UBAP2L: variants seen among roughly 807,000 people sequenced by gnomAD.
UBAP2L encodes the protein ubiquitin associated protein 2 like.
A neutral mutation model predicts 130.6 loss-of-function variants in UBAP2L; 12 were observed. The ratio of observed to expected loss-of-function variants is 0.09; its 90% confidence interval spans 0.06 to 0.15. The LOEUF (loss-of-function observed/expected upper bound fraction) is 0.15. UBAP2L is among the 10% of genes least tolerant of loss of function. The pLI is 1.00. For synonymous variants in UBAP2L, 503 were observed against 524.7 expected, an observed-to-expected ratio of 0.96 and a Z score of 0.57; for missense variants, 965 against 1,332.5, an observed-to-expected ratio of 0.72 and a Z score of 4.29.
At chr1:154,245,832 G>A (rs894435029) in intron 10 of UBAP2L, among the ~76,000 whole-genome samples, 5 of 152,084 alleles carry the variant, frequency 3.3e-5, no homozygotes, top group East Asian at 1.9e-4. Context: ...GGAGAATGGC[G>A]TGAACCCAGG....
chr1:154,233,515 G>A (rs1298629663), intron 4 of UBAP2L, among the ~76,000 whole-genome samples: 5 of 146,528 alleles, frequency 3.4e-5, no homozygotes, highest in African/African-American at 1.4e-4. Context: ...AGTAGAGACG[G>A]GGTTTCACCG....
intron 4 of UBAP2L, among the ~76,000 whole-genome samples, chr1:154,234,234 G>T (rs1315174475): frequency 6.6e-6 from 1 of 151,988 alleles, no homozygotes; most frequent in Non-Finnish European, 1.5e-5. Flanking sequence ...ATGGTGTCGC[G>T]TGCCTGTAAT....
In UBAP2L at chr1:154,258,970, C is replaced by T. The variant is rs1409708220; in HGVS notation, c.2443-7C>T. On this transcript the variant is annotated splice_region_variant and splice_polypyrimidine_tract_variant and intron_variant, in intron 20 of 26. Coordinates refer to ENST00000428931, the MANE Select transcript of UBAP2L (RefSeq NM_014847.4). ...TCCTGTTATTGCTATATGTCTGTAT[C>T]TTTCAGCCACAAGTATATGGTTATG... 1.2e-6 allele frequency: 2 copies of T among 1,613,536 alleles called. No homozygotes were observed. The highest frequency in any genetic ancestry group is 2.2e-5 in the East Asian group (1 of 44,858).
chr1:154,224,098 A>C (rs182580164), intron 1 of UBAP2L, among the ~76,000 whole-genome samples: 1 of 152,322 alleles, frequency 6.6e-6, no homozygotes, highest in Admixed American at 6.5e-5. Flanking sequence ...ATTCAGTAGA[A>C]TCCTTCCTTG....
intron 4 of UBAP2L, 71 bp downstream of exon 4, chr1:154,228,796 A>C: frequency 8.6e-7 from 1 of 1,164,538 alleles, no homozygotes; most frequent in Non-Finnish European, 1.2e-6. Context: ...TAAAAGTAGC[A>C]AATGGCAACA....
At chr1:154,231,632 T>G (rs1223675737) in intron 4 of UBAP2L, among the ~76,000 whole-genome samples, 17 of 152,192 alleles carry the variant, frequency 1.1e-4, no homozygotes, top group Non-Finnish European at 7.3e-5. Context: ...TTGCCTGTTT[T>G]AGAGATCTCA....
At chr1:154,225,596 A>T (rs760311664) in intron 2 of UBAP2L, among the ~76,000 whole-genome samples, 1 of 152,040 alleles carries the variant, frequency 6.6e-6, no homozygotes, top group Admixed American at 6.6e-5. Context: ...CAGCCTCCTG[A>T]GTAGCTGGGA....
Position 154,261,475 on chromosome 1 carries a change from A to G in UBAP2L, c.2797-117A>G, listed in dbSNP as rs183490500. The G allele has an allele frequency of 7.3e-5, 69 of 948,258 alleles. No homozygotes were observed. The Admixed American group carries it at 1.3e-3, about 18-fold the overall frequency. The allele number at this position is 948,258 out of a possible 1,614,324, so 58.7% of individuals were successfully genotyped here. A position where few individuals can be genotyped will look rare whatever the true frequency, so the allele number is the denominator to read the frequency against. On this transcript the variant is annotated intron_variant, in intron 23 of 26. Transcript: ENST00000428931. ...GAGCTAATTTCACTAAGCAAACTGT[A>G]GTCAACTTGCATCAGGATAGGTAGC...
intron 12 of UBAP2L, among the ~76,000 whole-genome samples, chr1:154,250,593 C>T (rs1444388418): frequency 6.6e-6 from 1 of 152,086 alleles, no homozygotes; most frequent in African/African-American, 2.4e-5. Context: ...GCAGCTCATG[C>T]CTGTAATCCT....
At chr1:154,225,970 T>C (rs1244398351) in intron 2 of UBAP2L, among the ~76,000 whole-genome samples, 7 of 152,174 alleles carry the variant, frequency 4.6e-5, no homozygotes, top group Non-Finnish European at 1.0e-4. Context: ...TGTGCTACCA[T>C]GCCCAGCTAA....
chr1:154,259,979 C>T lies in UBAP2L; in HGVS notation c.2528C>T (p.Thr843Ile). Reference sequence around the variant, plus strand: ...TACAGCATCCCATTTCCCACACCCACTACTCCGCTGACTGGGAGGGATGGT... The same window carrying T: ...TACAGCATCCCATTTCCCACACCCATTACTCCGCTGACTGGGAGGGATGGT... ...DYYSIPFPTP[T>I]TPLTGRDGSL... The change falls in exon 22 of 27, where the codon ACT (threonine) becomes ATT (isoleucine). Residue 843 changes from threonine (T) to isoleucine (I), a missense_variant. By Grantham distance (89) the Thr-to-Ile change is moderately conservative. Coordinates refer to ENST00000428931, the MANE Select transcript of UBAP2L (RefSeq NM_014847.4). 1 of 1,614,200 alleles carries T rather than the reference C, an allele frequency of 6.2e-7. No individual in the cohort carries two copies. Among genetic ancestry groups the T allele is most frequent in the Non-Finnish European group, 8.5e-7 (1 of 1,180,032 alleles).
intron 8 of UBAP2L, among the ~76,000 whole-genome samples, chr1:154,239,230 TTTTTC>T (rs748503203): frequency 4.7e-4 from 72 of 152,130 alleles, no homozygotes; most frequent in Non-Finnish European, 7.4e-4. Flanking sequence ...CACTGGTTGT[TTTTTC>T]TTTTCTTTTC....
chr1:154,256,974 T>C, intron 18 of UBAP2L, 89 bp from the exon 19 acceptor site: 1 of 1,438,754 alleles, frequency 7.0e-7, no homozygotes, highest in Admixed American at 2.1e-5. Context: ...CATCATAATA[T>C]ATTCAGCAGG....
intron 12 of UBAP2L, among the ~76,000 whole-genome samples, chr1:154,250,045 A>G (rs1676990464): frequency 6.6e-6 from 1 of 152,102 alleles, no homozygotes; most frequent in African/African-American, 2.4e-5. Context: ...GTCTTCACTT[A>G]ATGTCATTGA....
Position 154,243,213 on chromosome 1 carries a change from C to G in UBAP2L, c.757-4C>G, listed in dbSNP as rs373619162. The stretch of plus-strand genomic sequence containing the variant: ...CAAGAGTGACTAATCCCTCTGTTTT[C>G]CAGCTTTCTGAGACCAAGATCTTCA... On this transcript the variant is annotated splice_region_variant and splice_polypyrimidine_tract_variant and intron_variant, in intron 9 of 26. Coordinates refer to ENST00000428931, the MANE Select transcript of UBAP2L (RefSeq NM_014847.4). The G allele has an allele frequency of 6.2e-7, 1 of 1,610,218 alleles. No individual in the cohort carries two copies. Among genetic ancestry groups the G allele is most frequent in the Non-Finnish European group, 8.5e-7 (1 of 1,177,332 alleles).
chr1:154,259,003 G>T lies in UBAP2L; in HGVS notation c.2469G>T (p.Leu823Phe). ...YPPQVYGYDDLQMLQTRFPLD... is the reference protein window; with the variant it reads ...YPPQVYGYDDFQMLQTRFPLD... ...CACAAGTATATGGTTATGATGACTT[G>T]CAGATGCTTCAGACAAGATTTCCAT... is the stretch of plus-strand genomic sequence containing the variant. Residue 823 changes from leucine to phenylalanine, a missense_variant, in exon 21 of 27, where the codon TTG (leucine) becomes TTT (phenylalanine). By Grantham distance (22) the Leu-to-Phe change is conservative (BLOSUM62 0). Around this residue, in one of 9 missense-constraint regions of UBAP2L, gnomAD observed 393 missense variants for 408.1 expected, o/e 0.96. Transcript: ENST00000428931. The T allele has an allele frequency of 6.2e-7, 1 of 1,614,040 alleles. No individual in the cohort carries two copies. The highest frequency in any genetic ancestry group is 1.3e-5 in the African/African-American group (1 of 75,052).
intron 24 of UBAP2L, among the ~76,000 whole-genome samples, chr1:154,264,612 A>G (rs996376547): frequency 5.3e-5 from 8 of 152,242 alleles, no homozygotes; most frequent in Non-Finnish European, 7.3e-5. Context: ...AACTCTGGAA[A>G]GAATGAGATC....
intron 9 of UBAP2L, 190 bp from the exon 10 acceptor site, chr1:154,243,025 CTT>C: frequency 4.5e-6 from 2 of 442,314 alleles, no homozygotes; most frequent in Non-Finnish European, 8.3e-6. Flanking sequence ...TGCTTCTACT[CTT>C]TCTTTGGCTA....
Position 154,237,013 on chromosome 1 carries a change from A to AT in UBAP2L, c.591-5dup. The AT allele has an allele frequency of 1.9e-6, 3 of 1,610,642 alleles. No individual in the cohort carries two copies. Among genetic ancestry groups the AT allele is most frequent in the Non-Finnish European group, 2.5e-6 (3 of 1,177,474 alleles). Reference sequence around the variant, plus strand: ...TAGAGGTCAGAGACTCTTAAGTTTTATTTTTTCCAGAACCTTTAACCCAGC... The same window carrying AT: ...TAGAGGTCAGAGACTCTTAAGTTTTATTTTTTTCCAGAACCTTTAACCCAGC... On this transcript the variant is annotated splice_polypyrimidine_tract_variant and intron_variant, in intron 7 of 26. Coordinates refer to ENST00000428931, the MANE Select transcript of UBAP2L (RefSeq NM_014847.4).
Sources: allele counts gnomAD v4.1 joint callset (sites outside exome capture counted in the v4.1 genomes callset), GRCh38; gene constraint gnomAD v4.1.1; regional missense constraint gnomAD v4.1.1; transcripts MANE v1.5; gene names NCBI Gene and HGNC (gene_info 2026-07-23, HGNC 2026-07-21).